TEX10: variants seen among roughly 807,000 people sequenced by gnomAD.
TEX10 encodes testis-expressed protein 10.
Under a neutral mutation model 104.4 loss-of-function variants are expected in TEX10, and 24 were observed. The ratio of observed to expected loss-of-function variants is 0.23; its 90% CI spans 0.17 to 0.32. TEX10 has a LOEUF of 0.32. Ranked by LOEUF, TEX10 falls within the 10% of genes least tolerant of loss-of-function variation. The pLI, the probability that TEX10 is intolerant of heterozygous loss-of-function variation, is 1.00. For missense variants in TEX10, 921 were observed against 1,083.9 expected (o/e 0.85, Z 2.11); for synonymous variants, 396 against 393.4 (o/e 1.01, Z -0.08).
chr9:100,308,749 C>T, intron 12 of TEX10, 68 bp from the exon 13 acceptor site: 1 of 1,353,760 alleles, frequency 7.4e-7, no homozygotes, highest in Non-Finnish European at 9.8e-7. Flanking sequence ...AAAACCAAAA[C>T]CTGTTAATTC....
intron 5 of TEX10, among the ~76,000 whole-genome samples, chr9:100,330,962 A>G (rs1564212963): frequency 6.6e-6 from 1 of 152,094 alleles, no homozygotes; most frequent in Non-Finnish European, 1.5e-5. Context: ...CAAAAAATGA[A>G]AGTAAAATTA....
chr9:100,321,584 C>T, intron 10 of TEX10, 99 bp downstream of exon 10: 2 of 950,908 alleles, frequency 2.1e-6, no homozygotes, highest in Non-Finnish European at 1.6e-6. Flanking sequence ...TTATCATCTT[C>T]AAAACTGAAC....
chr9:100,327,875 T>C lies in TEX10; in HGVS notation c.1713A>G (p.Thr571=). Residue 571 remains threonine, a synonymous_variant, in exon 8 of 15, where the codon ACA becomes ACG. Transcript: ENST00000374902. The part of the protein sequence containing the change: ...HLGSRNPELS[T]QLIDIIHTAA... ...CGGTATGAATGATATCGATAAGCTG[T>C]GTAGAGAGCTCAGGATTTCGGGAGC... The C allele has an allele frequency of 6.2e-7, 1 of 1,608,976 alleles. No individual in the cohort carries two copies. Among genetic ancestry groups the C allele is most frequent in the South Asian group, 1.1e-5 (1 of 90,254 alleles).
intron 11 of TEX10, 128 bp from the exon 12 acceptor site, chr9:100,310,507 C>T (rs1274683344): frequency 7.6e-6 from 6 of 788,882 alleles, no homozygotes; most frequent in African/African-American, 1.8e-5. Context: ...GATGCAGTCT[C>T]AGCTCACCGC....
intron 9 of TEX10, 45 bp from the exon 10 acceptor site, chr9:100,321,816 G>T (rs1165650711): frequency 1.4e-6 from 2 of 1,441,574 alleles, no homozygotes; most frequent in South Asian, 1.2e-5. Flanking sequence ...TGACCAACTT[G>T]ACAGACTTGT....
At chr9:100,343,663 C>G (rs890225791) in intron 4 of TEX10, among the ~76,000 whole-genome samples, 1 of 150,740 alleles carries the variant, frequency 6.6e-6, no homozygotes, top group Non-Finnish European at 1.5e-5. Context: ...TACTAGCAAA[C>G]TAAATGCATT....
intron 2 of TEX10, 59 bp downstream of exon 2, chr9:100,349,125 A>C: frequency 7.2e-7 from 1 of 1,385,118 alleles, no homozygotes; most frequent in Non-Finnish European, 9.5e-7. Flanking sequence ...ACAAAAATAT[A>C]ACATTCTACA....
In TEX10 at chr9:100,330,297, G is replaced by T. The variant is rs1038432237; in HGVS notation, c.1251-128C>A. On this transcript the variant is annotated intron_variant, in intron 5 of 14. Coordinates refer to ENST00000374902, the MANE Select transcript of TEX10 (RefSeq NM_017746.4). ...TCTAGAATTAATAGATGGCCAAGAAGATAGGTGCATAGGCAAGACTTAGGC... is the reference window on the plus strand; with the variant it reads ...TCTAGAATTAATAGATGGCCAAGAATATAGGTGCATAGGCAAGACTTAGGC... 51 of 734,884 alleles carry T rather than the reference G, an allele frequency of 6.9e-5. No individual in the cohort carries two copies. The African/African-American group carries it at 7.2e-4, about 10-fold the overall frequency. The allele number at this position is 734,884 out of a possible 1,614,324, so 45.5% of individuals were successfully genotyped here. A position where few individuals can be genotyped will look rare whatever the true frequency, so the allele number is the denominator to read the frequency against.
rs574556161 is a variant in TEX10, at chr9:100,340,037, A to C, written c.1250+220T>G. 5.9e-5 allele frequency among the ~76,000 whole-genome samples: 9 copies of C among 152,272 alleles called. 1 individual carries two copies. The South Asian group carries it at 1.9e-3, about 32-fold the overall frequency. On this transcript the variant is annotated intron_variant, in intron 5 of 14. Transcript: ENST00000374902. ...ATAAGCTGATACATTCATCTAGCAC[A>C]AAAAAACCATTTTACAGACTAAAAA...
rs1265697241 is a variant in TEX10 at position 100,346,774 on chromosome 9, T to C, written c.813A>G (p.Glu271=). ...TSNSIFINWK[E]HANDQQHIQV... ...GGATGTGTTGCTGGTCGTTGGCATG[T>C]TCCTTCCAGTTGATAAAAATGGAGT... The change falls in exon 3 of 15, where the codon GAA becomes GAG. Residue 271 remains glutamate (E), a synonymous_variant. Transcript: ENST00000374902. 8 of 1,614,100 alleles carry C rather than the reference T, an allele frequency of 5.0e-6. No individual in the cohort carries two copies. The highest frequency in any genetic ancestry group is 2.7e-5 in the African/African-American group (2 of 74,934).
intron 4 of TEX10, among the ~76,000 whole-genome samples, chr9:100,344,121 G>A (rs1369926940): frequency 6.6e-6 from 1 of 152,032 alleles, no homozygotes; most frequent in Admixed American, 6.6e-5. Flanking sequence ...ATCTGCCAAG[G>A]TGAATTAGAG....
rs1365067372 is a variant in TEX10, at chr9:100,314,248, T to A, written c.2203-3869A>T. Among the ~76,000 whole-genome samples the A allele has an allele frequency of 3.3e-5, 5 of 151,956 alleles. No individual in the cohort carries two copies. The East Asian group carries it at 9.7e-4, about 29-fold the overall frequency. On this transcript the variant is annotated intron_variant, in intron 11 of 14. Coordinates refer to ENST00000374902, the MANE Select transcript of TEX10 (RefSeq NM_017746.4). Reference sequence around the variant, plus strand: ...GACTACAGATGCATGCCACCACACCTGGGTAACTTTTGTATATTTAGTAGA... The same window carrying A: ...GACTACAGATGCATGCCACCACACCAGGGTAACTTTTGTATATTTAGTAGA...
chr9:100,346,000 C>A, intron 4 of TEX10, 72 bp downstream of exon 4: 1 of 1,500,788 alleles, frequency 6.7e-7, no homozygotes, highest in South Asian at 1.4e-5. Flanking sequence ...TAGTAATGAG[C>A]TGATTTCGAA....
chr9:100,349,379 T>C lies in TEX10; in HGVS notation c.-9-7A>G, dbSNP rs777647854. On this transcript the variant is annotated splice_polypyrimidine_tract_variant and splice_region_variant and intron_variant, in intron 1 of 14. Transcript: ENST00000374902. Reference sequence around the variant, plus strand: ...TTTTAGTCATTCTCGACTACTATAATGAAAAGAATTAATTAAAAGCAATGG... The same window carrying C: ...TTTTAGTCATTCTCGACTACTATAACGAAAAGAATTAATTAAAAGCAATGG... The C allele has an allele frequency of 6.5e-7, 1 of 1,532,184 alleles. No homozygotes were observed. Among genetic ancestry groups the C allele is most frequent in the South Asian group, 1.3e-5 (1 of 79,000 alleles). 94.9% of individuals were successfully genotyped at this position (1,532,184 alleles called of 1,614,324 possible).
intron 11 of TEX10, among the ~76,000 whole-genome samples, chr9:100,311,085 C>G (rs539783918): frequency 4.6e-5 from 7 of 152,154 alleles, no homozygotes; most frequent in African/African-American, 1.4e-4. Flanking sequence ...ATTTTTTCCC[C>G]CCAATCAACA....
intron 13 of TEX10, chr9:100,306,435 TTACTACCTACAAAC>T (rs1453227858): frequency 6.6e-6 from 1 of 152,202 alleles, no homozygotes; most frequent in Non-Finnish European, 1.5e-5. Context: ...ACCTGTAAGA[TTACTACCTACAAAC>T]TAAGAGGGCT....
At chr9:100,330,390 G>A (rs1485078576) in intron 5 of TEX10, among the ~76,000 whole-genome samples, 1 of 152,174 alleles carries the variant, frequency 6.6e-6, no homozygotes, top group African/African-American at 2.4e-5. Context: ...AGTGTATACA[G>A]CTCAATTCAT....
chr9:100,335,946 T>C (rs1030428154), intron 5 of TEX10, among the ~76,000 whole-genome samples: 2 of 152,000 alleles, frequency 1.3e-5, no homozygotes, highest in Non-Finnish European at 2.9e-5. Context: ...GCACAGTGGC[T>C]CGCCTGAGGT....
At chr9:100,325,401 G>T (rs1336002694) in intron 9 of TEX10, among the ~76,000 whole-genome samples, 1 of 152,210 alleles carries the variant, frequency 6.6e-6, no homozygotes, top group Non-Finnish European at 1.5e-5. Context: ...ATGGCATGTA[G>T]TGCTAGCTAC....
Sources: gnomAD v4.1 joint callset for allele counts (sites outside exome capture counted in the v4.1 genomes callset) on GRCh38, gnomAD v4.1.1 for gene constraint, MANE v1.5 for transcripts, NCBI Gene and HGNC (gene_info 2026-07-23, HGNC 2026-07-21) for gene names.